The following LRRTM4 variants were observed in gnomAD, a reference collection of about 807,000 sequenced individuals.
The protein encoded by LRRTM4 is leucine rich repeat transmembrane neuronal 4.
LRRTM4 carries 25 observed loss-of-function variants against 47.6 expected under a neutral mutation model. The observed-to-expected ratio is 0.53, with a 90% CI of 0.38 to 0.73. The LOEUF (loss-of-function observed/expected upper bound fraction) is 0.73. LRRTM4 is among the 30% of genes least tolerant of loss of function. LRRTM4 has a pLI of 0.00. For synonymous variants in LRRTM4, 311 were observed against 269.5 expected, an observed-to-expected ratio of 1.15 and a Z score of -1.51; for missense variants, 638 against 713.4, an observed-to-expected ratio of 0.89 and a Z score of 1.20.
chr2:77,165,259 C>T (rs1205649984), intron 3 of LRRTM4, among the ~76,000 whole-genome samples: 1 of 152,076 alleles, frequency 6.6e-6, no homozygotes, highest in Non-Finnish European at 1.5e-5. Flanking sequence ...CAAGACTAAA[C>T]CAGGATGAAG....
intron 3 of LRRTM4, among the ~76,000 whole-genome samples, chr2:77,219,880 T>G (rs983083902): frequency 2.0e-5 from 3 of 152,050 alleles, no homozygotes; most frequent in East Asian, 1.9e-4. Context: ...GCACACAGCT[T>G]GAGATCTGAG....
chr2:76,951,614 T>C (rs1164269788), intron 3 of LRRTM4, among the ~76,000 whole-genome samples: 2 of 151,950 alleles, frequency 1.3e-5, no homozygotes, highest in Non-Finnish European at 2.9e-5. Flanking sequence ...CTTCAGATAA[T>C]AGATAATTTT....
intron 3 of LRRTM4, among the ~76,000 whole-genome samples, chr2:77,043,873 A>G (rs1472822918): frequency 6.6e-6 from 1 of 151,650 alleles, no homozygotes; most frequent in African/African-American, 2.4e-5. Flanking sequence ...TTAAAATAGC[A>G]AAATGGTCAT....
At chr2:77,158,413 GA>G (rs1672619605) in intron 3 of LRRTM4, among the ~76,000 whole-genome samples, 1 of 152,020 alleles carries the variant, frequency 6.6e-6, no homozygotes. Flanking sequence ...TCTTTTTGGG[GA>G]AATAAACACT....
chr2:77,111,602 C>T (rs1361846385), intron 3 of LRRTM4, among the ~76,000 whole-genome samples: 1 of 152,112 alleles, frequency 6.6e-6, no homozygotes, highest in Non-Finnish European at 1.5e-5. Context: ...CCTACCCCAT[C>T]CTACTTGGTC....
chr2:76,818,109 A>G (rs760481425), intron 3 of LRRTM4, among the ~76,000 whole-genome samples: 78 of 152,104 alleles, frequency 5.1e-4, no homozygotes, highest in Non-Finnish European at 7.7e-4. Context: ...AACAAAAGCT[A>G]CAGTGAATTA....
intron 3 of LRRTM4, among the ~76,000 whole-genome samples, chr2:77,251,500 C>T (rs1675616390): frequency 6.6e-6 from 1 of 151,846 alleles, no homozygotes; most frequent in African/African-American, 2.4e-5. Context: ...AATATAGGAC[C>T]TCAGAAGTTA....
At chr2:77,478,195 A>T (rs1677514197) in intron 3 of LRRTM4, among the ~76,000 whole-genome samples, 1 of 152,204 alleles carries the variant, frequency 6.6e-6, no homozygotes, top group South Asian at 2.1e-4. Flanking sequence ...TAAGTTGATC[A>T]GAACTTGTTT....
At chr2:76,885,458 C>T (rs1017431067) in intron 3 of LRRTM4, among the ~76,000 whole-genome samples, 1 of 130,970 alleles carries the variant, frequency 7.6e-6, no homozygotes, top group African/African-American at 3.0e-5. Context: ...TTGACAAAAA[C>T]ATGCTTTTTT....
chr2:76,748,164 C>G lies in LRRTM4; in HGVS notation c.*531G>C, dbSNP rs1194434240. ...TCATGTTTTGTATTAGAAACTTGAC[C>G]AGGAAAGAAAAAAATTAAAACAAAC... On this transcript the variant is annotated 3_prime_UTR_variant, in exon 4 of 4. Transcript: ENST00000409884. 3 of 152,386 alleles carry G rather than the reference C, an allele frequency of 2.0e-5. No individual in the cohort carries two copies. Among genetic ancestry groups the G allele is most frequent in the African/African-American group, 7.3e-5 (3 of 41,090 alleles). The allele number at this position is 152,386 out of a possible 1,614,324, so 9.4% of individuals were successfully genotyped here.
At chr2:76,992,832 A>AC (rs1208476481) in intron 3 of LRRTM4, among the ~76,000 whole-genome samples, 3 of 113,188 alleles carry the variant, frequency 2.7e-5, no homozygotes, top group Middle Eastern at 8.8e-3. Flanking sequence ...CCTGAGGAAA[A>AC]AAAAAAAAGC....
intron 3 of LRRTM4, among the ~76,000 whole-genome samples, chr2:76,981,877 C>T (rs13382847): frequency 6.6e-6 from 1 of 151,868 alleles, no homozygotes; most frequent in Admixed American, 6.6e-5. Context: ...TTGTTTTAAA[C>T]ATTAGATAAA....
intron 3 of LRRTM4, among the ~76,000 whole-genome samples, chr2:76,761,427 T>C (rs1673250735): frequency 6.6e-6 from 1 of 152,220 alleles, no homozygotes; most frequent in South Asian, 2.1e-4. Context: ...TCTATTCTTT[T>C]GTCTAAAGTT....
At chr2:76,912,112 G>A (rs1265717729) in intron 3 of LRRTM4, among the ~76,000 whole-genome samples, 2 of 151,998 alleles carry the variant, frequency 1.3e-5, no homozygotes, top group East Asian at 3.9e-4. Context: ...GTAGACAGGA[G>A]GTTTCACCAT....
chr2:77,293,831 AT>A (rs1676896762), intron 3 of LRRTM4, among the ~76,000 whole-genome samples: 1 of 152,176 alleles, frequency 6.6e-6, no homozygotes, highest in Admixed American at 6.6e-5. Flanking sequence ...CTGGACCCTC[AT>A]AATGAGACCG....
chr2:77,272,328 G>A (rs144373354), intron 3 of LRRTM4, among the ~76,000 whole-genome samples: 205 of 152,200 alleles, frequency 1.3e-3, no homozygotes, highest in African/African-American at 4.9e-3. Flanking sequence ...TTCAAAGAAT[G>A]AATCACTAAA....
chr2:77,387,687 T>A (rs1327241979), intron 3 of LRRTM4, among the ~76,000 whole-genome samples: 1 of 152,124 alleles, frequency 6.6e-6, no homozygotes, highest in Non-Finnish European at 1.5e-5. Flanking sequence ...TCAGCTTGCA[T>A]GCAGGCTAAC....
intron 3 of LRRTM4, among the ~76,000 whole-genome samples, chr2:77,057,302 A>G (rs1001150429): frequency 1.2e-4 from 18 of 152,222 alleles, no homozygotes; most frequent in Non-Finnish European, 1.8e-4. Flanking sequence ...AAACATATGC[A>G]TATGTTAAAA....
At chr2:77,360,802 T>C (rs1244165187) in intron 3 of LRRTM4, among the ~76,000 whole-genome samples, 1 of 152,278 alleles carries the variant, frequency 6.6e-6, no homozygotes, top group Admixed American at 6.5e-5. Flanking sequence ...TCACTATTGA[T>C]CTCTCCAGGA....
Sources: gnomAD v4.1 joint callset for allele counts (sites outside exome capture counted in the v4.1 genomes callset) on GRCh38, gnomAD v4.1.1 for gene constraint, MANE v1.5 for transcripts, NCBI Gene and HGNC (gene_info 2026-07-23, HGNC 2026-07-21) for gene names.